Variants in WDFY4 observed in about 807,000 individuals in gnomAD.
WDFY4 encodes the protein WDFY family member 4, also known as WD repeat- and FYVE domain-containing protein 4.
A neutral mutation model predicts 351.9 loss-of-function variants in WDFY4; 169 were observed. The observed-to-expected ratio is 0.48, with a 90% CI of 0.42 to 0.55. The LOEUF (loss-of-function observed/expected upper bound fraction) is 0.55, where lower values mean the gene tolerates loss of function less well. Ranked by LOEUF, WDFY4 falls within the 20% of genes least tolerant of loss-of-function variation. The pLI, the probability that WDFY4 is intolerant of heterozygous loss-of-function variation, is 0.00. For missense variants in WDFY4, 3,803 were observed against 3,935.6 expected (o/e 0.97, Z 0.90); for synonymous variants, 1,622 against 1,574.6 (o/e 1.03, Z -0.71).
intron 43 of WDFY4, among the ~76,000 whole-genome samples, chr10:48,877,476 C>T (rs1267673067): frequency 1.3e-5 from 2 of 152,214 alleles, no homozygotes; most frequent in African/African-American, 4.8e-5. Context: ...CCTACTTTGA[C>T]CTTCATAACA....
In WDFY4 at chr10:48,897,557, G is replaced by A; in HGVS notation, c.7420G>A (p.Ala2474Thr). The A allele has an allele frequency of 6.5e-7, 1 of 1,548,358 alleles. No homozygotes were observed. The highest frequency in any genetic ancestry group is 8.7e-7 in the Non-Finnish European group (1 of 1,146,954). Residue 2474 changes from alanine to threonine, a missense_variant, in exon 45 of 62, where the codon GCT becomes ACT. By Grantham distance (58) the Ala-to-Thr change is moderately conservative (BLOSUM62 0). This residue lies in a region of WDFY4 where 3,054 missense variants were observed against 3,148.6 expected (regional missense o/e 0.97). Transcript: ENST00000325239. The part of the protein sequence containing the change: ...SYADMRELRQ[A>T]RFLLQDIALE... ...CGCTGACATGCGGGAGCTACGGCAG[G>A]CTCGCTTCCTCCTGCAGGTAAGCAC...
chr10:48,751,027 C>T (rs752181035), intron 12 of WDFY4, among the ~76,000 whole-genome samples: 1 of 152,210 alleles, frequency 6.6e-6, no homozygotes, highest in Non-Finnish European at 1.5e-5. Flanking sequence ...GTCCTGAAGA[C>T]ACCTGATGTG....
intron 23 of WDFY4, among the ~76,000 whole-genome samples, chr10:48,794,222 A>G (rs753849133): frequency 1.3e-5 from 2 of 152,160 alleles, no homozygotes; most frequent in Admixed American, 1.3e-4. Context: ...TCAGTGGAGA[A>G]GATGAGGCAT....
intron 52 of WDFY4, 141 bp downstream of exon 52, chr10:48,957,423 A>ACT: frequency 9.1e-7 from 1 of 1,101,000 alleles, no homozygotes; most frequent in Non-Finnish European, 1.3e-6. Context: ...TCCACTGGGC[A>ACT]GCAGTGCCCA....
At chr10:48,950,047 A>G (rs1841246110) in intron 51 of WDFY4, among the ~76,000 whole-genome samples, 1 of 152,162 alleles carries the variant, frequency 6.6e-6, no homozygotes, top group South Asian at 2.1e-4. Context: ...GAAAATATGC[A>G]TAATAAGAAA....
chr10:48,730,988 G>A (rs1014870384), intron 8 of WDFY4, 122 bp from the exon 9 acceptor site: 10 of 1,111,514 alleles, frequency 9.0e-6, no homozygotes, highest in Admixed American at 8.7e-5. Context: ...TGATGGACAT[G>A]TGCCCATAGG....
chr10:48,780,393 A>T (rs1379718014), intron 19 of WDFY4, among the ~76,000 whole-genome samples: 1 of 152,234 alleles, frequency 6.6e-6, no homozygotes, highest in African/African-American at 2.4e-5. Flanking sequence ...CATGTTCATG[A>T]AAATAGAAAA....
intron 39 of WDFY4, among the ~76,000 whole-genome samples, chr10:48,856,558 C>T (rs1313456352): frequency 2.0e-5 from 3 of 152,026 alleles, no homozygotes; most frequent in South Asian, 2.1e-4. Context: ...TAGGTATACA[C>T]GTGCCATGGT....
intron 51 of WDFY4, among the ~76,000 whole-genome samples, chr10:48,953,574 A>G (rs1841444602): frequency 6.6e-6 from 1 of 152,214 alleles, no homozygotes; most frequent in Non-Finnish European, 1.5e-5. Context: ...CAACTGATAT[A>G]TCAACAGGGT....
At chr10:48,981,879 GCT>G (rs1354168632) in intron 61 of WDFY4, among the ~76,000 whole-genome samples, 2 of 152,228 alleles carry the variant, frequency 1.3e-5, no homozygotes, top group African/African-American at 4.8e-5. Context: ...AGGGCTCTTA[GCT>G]GCTGTAGCAT....
At chr10:48,880,099 G>GC (rs1325078762) in intron 43 of WDFY4, among the ~76,000 whole-genome samples, 1 of 152,194 alleles carries the variant, frequency 6.6e-6, no homozygotes. Flanking sequence ...TCAGGCTGCT[G>GC]CCCCCCAGGG....
intron 43 of WDFY4, among the ~76,000 whole-genome samples, chr10:48,884,856 C>G (rs972131328): frequency 2.0e-5 from 3 of 152,184 alleles, no homozygotes; most frequent in African/African-American, 7.2e-5. Context: ...TCCCAGAGCA[C>G]CTGTGCTTTT....
At chr10:48,847,970 G>A (rs756534638) in intron 39 of WDFY4, among the ~76,000 whole-genome samples, 1 of 146,250 alleles carries the variant, frequency 6.8e-6, no homozygotes, top group Non-Finnish European at 1.5e-5. Context: ...TGTCATTATA[G>A]CTGGAAATAT....
chr10:48,866,908 C>T (rs1330467834), intron 39 of WDFY4, among the ~76,000 whole-genome samples: 1 of 152,122 alleles, frequency 6.6e-6, no homozygotes, highest in African/African-American at 2.4e-5. Context: ...CTATCACTCA[C>T]GCTTGTAATC....
In WDFY4 at chr10:48,791,923, G is replaced by A. The variant is rs1035626140; in HGVS notation, c.4257+1006G>A. On this transcript the variant is annotated intron_variant, in intron 23 of 61. Coordinates refer to ENST00000325239, the MANE Select transcript of WDFY4 (RefSeq NM_001394531.1). Reference sequence around the variant, plus strand: ...CCCTTCCCCCAGCCTGTCCCTCGTAGCCCACTGATGCCAGCTGTAGCCCAC... The same window carrying A: ...CCCTTCCCCCAGCCTGTCCCTCGTAACCCACTGATGCCAGCTGTAGCCCAC... 5.9e-5 allele frequency among the ~76,000 whole-genome samples: 9 copies of A among 152,226 alleles called. No individual in the cohort carries two copies. In the East Asian group the frequency reaches 1.7e-3, roughly 29 times the overall value.
chr10:48,773,166 G>A (rs1411160351), intron 13 of WDFY4, among the ~76,000 whole-genome samples: 1 of 152,162 alleles, frequency 6.6e-6, no homozygotes, highest in Non-Finnish European at 1.5e-5. Context: ...AGAGGATGTG[G>A]AGAAATAGGA....
At chr10:48,695,239 G>A (rs992775452) in intron 1 of WDFY4, among the ~76,000 whole-genome samples, 1 of 152,216 alleles carries the variant, frequency 6.6e-6, no homozygotes, top group African/African-American at 2.4e-5. Flanking sequence ...TGCAACCACA[G>A]AGTCTTGTTT....
At chr10:48,966,003 G>T (rs962689694) in intron 54 of WDFY4, among the ~76,000 whole-genome samples, 1 of 152,144 alleles carries the variant, frequency 6.6e-6, no homozygotes, top group Non-Finnish European at 1.5e-5. Flanking sequence ...GGCAGAGATT[G>T]GAGAAAAATA....
chr10:48,963,148 G>A (rs1841935409), intron 53 of WDFY4, among the ~76,000 whole-genome samples: 1 of 152,208 alleles, frequency 6.6e-6, no homozygotes, highest in African/African-American at 2.4e-5. Context: ...CTAGAAGTGG[G>A]TTAATTATAC....
Sources: gnomAD v4.1 joint callset for allele counts (sites outside exome capture counted in the v4.1 genomes callset) on GRCh38, gnomAD v4.1.1 for gene constraint, gnomAD v4.1.1 regional missense constraint, MANE v1.5 for transcripts, NCBI Gene and HGNC (gene_info 2026-07-23, HGNC 2026-07-21) for gene names.